The following PITPNB variants were observed in gnomAD, a reference collection of about 807,000 sequenced individuals.
PITPNB encodes phosphatidylinositol transfer protein beta.
A neutral mutation model predicts 45.9 loss-of-function variants in PITPNB; 16 were observed. The observed-to-expected ratio is 0.35, with a 90% CI of 0.24 to 0.53. The LOEUF (loss-of-function observed/expected upper bound fraction) is 0.53, where lower values mean the gene tolerates loss of function less well. Among genes scored for constraint, PITPNB ranks in the 20% least tolerant of loss-of-function variants. PITPNB has a pLI of 0.93. For synonymous variants in PITPNB, 112 were observed against 108.9 expected (o/e 1.03, Z -0.18); for missense variants, 188 against 330.5 (o/e 0.57, Z 3.34).
At chr22:27,919,003 G>A (rs1189744215) in intron 1 of PITPNB, 169 bp downstream of exon 1, 5 of 943,118 alleles carry the variant, frequency 5.3e-6, no homozygotes, top group Non-Finnish European at 8.5e-6. Flanking sequence ...AGGGCCGAGG[G>A]GCGCACTCGC....
intron 7 of PITPNB, among the ~76,000 whole-genome samples, chr22:27,879,090 G>C (rs894783841): frequency 6.6e-6 from 1 of 151,964 alleles, no homozygotes; most frequent in African/African-American, 2.4e-5. Context: ...GTCCTGAGAT[G>C]GTGGGGGTGA....
intron 1 of PITPNB, among the ~76,000 whole-genome samples, chr22:27,915,701 T>TG: frequency 6.6e-6 from 1 of 152,314 alleles, no homozygotes. Context: ...AAACTTTTTG[T>TG]AAGTCCTTCT....
intron 2 of PITPNB, among the ~76,000 whole-genome samples, chr22:27,911,973 C>T (rs918980065): frequency 6.6e-6 from 1 of 152,130 alleles, no homozygotes; most frequent in Non-Finnish European, 1.5e-5. Context: ...AAAAAGTTCT[C>T]GTGTTCTAAT....
rs1329486872 is a variant in PITPNB at position 27,852,959 on chromosome 22, AT to A, written c.*742del. The A allele has an allele frequency of 7.9e-5, 12 of 152,626 alleles. No homozygotes were observed. The highest frequency in any genetic ancestry group is 2.9e-4 in the African/African-American group (12 of 41,522). The allele number at this position is 152,626 out of a possible 1,614,324, so 9.5% of individuals were successfully genotyped here. A position where few individuals can be genotyped will look rare whatever the true frequency, so the allele number is the denominator to read the frequency against. On this transcript the variant is annotated 3_prime_UTR_variant, in exon 12 of 12. Transcript: ENST00000335272. ...TACAAAAATCCAATAAAAACCAGAA[AT>A]TTTTTTTAAAAGGATTTTTCCCTCA... is the stretch of plus-strand genomic sequence containing the variant.
At position 27,885,212 on chromosome 22, in the gene PITPNB, TAAAAAAAAAAAAAAAAAAAAAA is replaced by T. The variant is rs71194746; in HGVS notation, c.456+9321_456+9342del. Among the ~76,000 whole-genome samples the T allele has an allele frequency of 7.6e-3, 230 of 30,230 alleles. 2 individuals are homozygous for T. The highest frequency in any genetic ancestry group is 0.022 in the African/African-American group (196 of 9,062). The allele number at this position is 30,230 out of a possible 152,430, so 19.8% of individuals were successfully genotyped here. ...AAAGAGCCAGATTCAAATTTATACC[TAAAAAAAAAAAAAAAAAAAAAA>T]AAAAAAAAAAAAAAAAAAGCAGAAG... On this transcript the variant is annotated intron_variant, in intron 7 of 11. Coordinates refer to ENST00000335272, the MANE Select transcript of PITPNB (RefSeq NM_012399.5).
chr22:27,857,213 G>A (rs1934199368), intron 10 of PITPNB, among the ~76,000 whole-genome samples: 1 of 152,126 alleles, frequency 6.6e-6, no homozygotes, highest in East Asian at 1.9e-4. Context: ...GTCTCTATGG[G>A]AAAATATGTT....
At chr22:27,880,768 A>G (rs1934947845) in intron 7 of PITPNB, among the ~76,000 whole-genome samples, 1 of 152,034 alleles carries the variant, frequency 6.6e-6, no homozygotes, top group South Asian at 2.1e-4. Context: ...GATTACAGGC[A>G]CATGCCACCA....
intron 5 of PITPNB, chr22:27,896,928 TC>T (rs1347974917): frequency 1.1e-5 from 7 of 620,468 alleles, no homozygotes; most frequent in Non-Finnish European, 2.0e-5. Context: ...CAAAATAAAA[TC>T]AATAGGGAGA....
At chr22:27,873,422 CATTTAAAATGG>C (rs2146366241) in intron 8 of PITPNB, among the ~76,000 whole-genome samples, 1 of 152,304 alleles carries the variant, frequency 6.6e-6, no homozygotes, top group East Asian at 1.9e-4. Flanking sequence ...TATAAACCTT[CATTTAAAATGG>C]ATTTTTATAC....
intron 8 of PITPNB, among the ~76,000 whole-genome samples, chr22:27,862,120 A>G (rs1934353733): frequency 6.6e-6 from 1 of 152,118 alleles, no homozygotes; most frequent in Non-Finnish European, 1.5e-5. Context: ...GGGTGCTGCC[A>G]CCACTGCTTG....
chr22:27,872,165 C>G (rs542046113), intron 8 of PITPNB, among the ~76,000 whole-genome samples: 1 of 134,380 alleles, frequency 7.4e-6, no homozygotes, highest in South Asian at 2.5e-4. Context: ...GCAATCTTAG[C>G]TCACTGCAAC....
rs146114166 is a variant in PITPNB at position 27,891,099 on chromosome 22, A to G, written c.456+3456T>C. ...AAGGAGAATCAGGGAACGACTGTTC[A>G]TGAGTACAGGGTGTCCTCTTGGGGT... On this transcript the variant is annotated intron_variant, in intron 7 of 11. Coordinates refer to ENST00000335272, the MANE Select transcript of PITPNB (RefSeq NM_012399.5). Among the ~76,000 whole-genome samples, 18 of 152,326 alleles carry G rather than the reference A, an allele frequency of 1.2e-4. No homozygotes were observed. In the South Asian group the frequency reaches 3.5e-3, roughly 30 times the overall value.
chr22:27,866,009 A>T (rs1934473436), intron 8 of PITPNB, among the ~76,000 whole-genome samples: 2 of 152,260 alleles, frequency 1.3e-5, no homozygotes, highest in Admixed American at 1.3e-4. Context: ...CAAAACAGTT[A>T]ACTCTTTGCT....
At chr22:27,885,271 T>A (rs549255037) in intron 7 of PITPNB, among the ~76,000 whole-genome samples, 2 of 121,782 alleles carry the variant, frequency 1.6e-5, no homozygotes, top group South Asian at 5.3e-4. Flanking sequence ...AGATGTCAAC[T>A]GACTCATTTG....
chr22:27,898,575 G>T (rs1164510372), intron 3 of PITPNB, among the ~76,000 whole-genome samples: 1 of 152,026 alleles, frequency 6.6e-6, no homozygotes, highest in Non-Finnish European at 1.5e-5. Flanking sequence ...GTTTCTTAAT[G>T]CAAAAAGCCC....
chr22:27,865,040 T>C (rs1601382122), intron 8 of PITPNB, among the ~76,000 whole-genome samples: 1 of 152,296 alleles, frequency 6.6e-6, no homozygotes, highest in African/African-American at 2.4e-5. Flanking sequence ...CTATGTATGG[T>C]ACAAACATTC....
At chr22:27,919,080 C>T (rs972820352) in intron 1 of PITPNB, 92 bp downstream of exon 1, 5 of 1,603,436 alleles carry the variant, frequency 3.1e-6, no homozygotes, top group Non-Finnish European at 3.4e-6. Context: ...ACAGGGCTGA[C>T]TCCGATTTAG....
At chr22:27,869,444 T>A (rs761020778) in intron 8 of PITPNB, among the ~76,000 whole-genome samples, 7 of 152,172 alleles carry the variant, frequency 4.6e-5, no homozygotes, top group Non-Finnish European at 1.0e-4. Flanking sequence ...AGCAACCTCA[T>A]CATCCCCTGC....
At chr22:27,904,589 G>C (rs9625357) in intron 3 of PITPNB, among the ~76,000 whole-genome samples, 1 of 152,130 alleles carries the variant, frequency 6.6e-6, no homozygotes, top group East Asian at 1.9e-4. Context: ...AAAAACTACT[G>C]AAGTGTGCAT....
Sources: gnomAD v4.1 joint callset for allele counts (sites outside exome capture counted in the v4.1 genomes callset) on GRCh38, gnomAD v4.1.1 for gene constraint, MANE v1.5 for transcripts, NCBI Gene and HGNC (gene_info 2026-07-23, HGNC 2026-07-21) for gene names.